Variants in SZRD1 observed in about 807,000 individuals in gnomAD.
The protein encoded by SZRD1 is SUZ RNA binding domain containing 1, also known as SUZ RNA-binding domain-containing.
SZRD1 carries 7 observed loss-of-function variants against 17.6 expected under a neutral mutation model. The observed-to-expected ratio is 0.40, with a 90% CI of 0.23 to 0.75. SZRD1 has a LOEUF of 0.75. Among genes scored for constraint, SZRD1 ranks in the 30% least tolerant of loss-of-function variants. SZRD1 has a pLI of 0.38. For missense variants in SZRD1, 178 were observed against 201.8 expected (o/e 0.88, Z 0.71); for synonymous variants, 77 against 77.9 (o/e 0.99, Z 0.06).
At position 16,379,792 on chromosome 1, in the gene SZRD1, G is replaced by A. The variant is rs528834696; in HGVS notation, c.52-11583G>A. On this transcript the variant is annotated intron_variant, in intron 1 of 3. Coordinates refer to ENST00000401088, the MANE Select transcript of SZRD1 (RefSeq NM_001114600.3). The stretch of plus-strand genomic sequence containing the variant: ...TTTTTTTTTTTTGAGACGAAGTCTC[G>A]CTCTGTTGCCCAGGCTGGAGTGCAG... Among the ~76,000 whole-genome samples the A allele has an allele frequency of 1.5e-4, 20 of 132,474 alleles. No individual in the cohort carries two copies. In the East Asian group the frequency reaches 3.9e-3, roughly 26 times the overall value. 86.9% of individuals were successfully genotyped at this position (132,474 alleles called of 152,430 possible).
chr1:16,395,117 C>A lies in SZRD1; in HGVS notation c.436C>A (p.Gln146Lys). ...ACAGCCTTTGGGTCCTGATGGGTCTCAAGGCTTCAAACAGCGCAGATAAAT... is the reference window on the plus strand; with the variant it reads ...ACAGCCTTTGGGTCCTGATGGGTCTAAAGGCTTCAAACAGCGCAGATAAAT... ...IRQPLGPDGS[Q>K]GFKQRR Residue 146 changes from glutamine to lysine, a missense_variant, in exon 4 of 4, where the codon CAA (glutamine) becomes AAA (lysine). Transcript: ENST00000401088. 4.3e-6 allele frequency: 7 copies of A among 1,613,126 alleles called. No homozygotes were observed. Among genetic ancestry groups the A allele is most frequent in the Non-Finnish European group, 5.9e-6 (7 of 1,179,048 alleles).
intron 1 of SZRD1, among the ~76,000 whole-genome samples, chr1:16,378,211 G>A (rs527756465): frequency 7.1e-4 from 108 of 152,142 alleles, no homozygotes; most frequent in African/African-American, 2.6e-3. Context: ...AAGTTTTTGA[G>A]GCTTTCTAGC....
intron 1 of SZRD1, among the ~76,000 whole-genome samples, chr1:16,378,188 G>C (rs1039997961): frequency 2.6e-5 from 4 of 151,986 alleles, no homozygotes; most frequent in Non-Finnish European, 5.9e-5. Context: ...ATTGTCTCAA[G>C]ATGGCATCTA....
intron 1 of SZRD1, among the ~76,000 whole-genome samples, chr1:16,372,208 C>G (rs983715555): frequency 3.9e-5 from 6 of 151,988 alleles, no homozygotes; most frequent in African/African-American, 1.5e-4. Flanking sequence ...CGTGGTGGCT[C>G]ACGCCTGTAA....
intron 1 of SZRD1, among the ~76,000 whole-genome samples, chr1:16,370,628 T>TA (rs575831529): frequency 0.012 from 1,832 of 147,200 alleles, 37 homozygotes; most frequent in African/African-American, 0.041. Flanking sequence ...CAGCTTTCAT[T>TA]AAAAAAAAAA....
At chr1:16,368,481 A>C (rs1007353602) in intron 1 of SZRD1, among the ~76,000 whole-genome samples, 1 of 137,654 alleles carries the variant, frequency 7.3e-6, no homozygotes, top group Admixed American at 7.1e-5. Flanking sequence ...ATTTCTCTCA[A>C]CGGTTGTTTA....
rs749379226 is a variant in SZRD1 at position 16,387,747 on chromosome 1, A to G, written c.52-3628A>G. The G allele has an allele frequency of 1.1e-4, 50 of 451,530 alleles. 1 individual carries two copies. The highest frequency in any genetic ancestry group is 7.3e-4 in the South Asian group (47 of 63,974). The allele number at this position is 451,530 out of a possible 1,614,324, so 28.0% of individuals were successfully genotyped here. ...TATTTAGAGTGGAGCGAAATGATAC[A>G]GTATGAAACTTTAAAACAAGAAGTT... On this transcript the variant is annotated intron_variant, in intron 1 of 3. Transcript: ENST00000401088.
Position 16,384,672 on chromosome 1 carries a change from G to A in SZRD1, c.52-6703G>A, listed in dbSNP as rs565046896. On this transcript the variant is annotated intron_variant, in intron 1 of 3. Transcript: ENST00000401088. Reference sequence around the variant, plus strand: ...TGAAGACATAAGGCTAGCATGGGCCGTGGCTGGCTGTGTGGGAGTTCAGGG... The same window carrying A: ...TGAAGACATAAGGCTAGCATGGGCCATGGCTGGCTGTGTGGGAGTTCAGGG... Among the ~76,000 whole-genome samples, 5 of 152,352 alleles carry A rather than the reference G, an allele frequency of 3.3e-5. No individual in the cohort carries two copies. The South Asian group carries it at 8.3e-4, about 25-fold the overall frequency.
intron 1 of SZRD1, among the ~76,000 whole-genome samples, chr1:16,388,507 A>G (rs1345664397): frequency 6.6e-6 from 1 of 152,132 alleles, no homozygotes; most frequent in African/African-American, 2.4e-5. Flanking sequence ...TCTAGTTCAT[A>G]CTGTTTACAA....
At chr1:16,383,798 T>G (rs2083145956) in intron 1 of SZRD1, among the ~76,000 whole-genome samples, 1 of 151,994 alleles carries the variant, frequency 6.6e-6, no homozygotes, top group Non-Finnish European at 1.5e-5. Context: ...TTTTGTATTT[T>G]TAGTAGAGAT....
intron 1 of SZRD1, among the ~76,000 whole-genome samples, chr1:16,381,536 G>A (rs2083102963): frequency 1.4e-5 from 2 of 144,734 alleles, no homozygotes; most frequent in South Asian, 2.2e-4. Flanking sequence ...CAGCCTGGGC[G>A]ACAGCGAGAC....
At chr1:16,388,479 C>G (rs79956551) in intron 1 of SZRD1, among the ~76,000 whole-genome samples, 4,086 of 152,056 alleles carry the variant, frequency 0.027, 181 homozygotes, top group African/African-American at 0.091. Flanking sequence ...AGATTTAAAT[C>G]TAGTTTCATA....
intron 1 of SZRD1, among the ~76,000 whole-genome samples, chr1:16,381,592 A>G (rs988780546): frequency 6.6e-6 from 1 of 150,606 alleles, no homozygotes; most frequent in Non-Finnish European, 1.5e-5. Context: ...GGTCTCTTAA[A>G]GATAGGTAGA....
chr1:16,390,317 C>T (rs2085201844), intron 1 of SZRD1, among the ~76,000 whole-genome samples: 1 of 152,176 alleles, frequency 6.6e-6, no homozygotes, highest in African/African-American at 2.4e-5. Flanking sequence ...CATAGGCATG[C>T]TGGTGCTGAT....
intron 3 of SZRD1, among the ~76,000 whole-genome samples, chr1:16,394,138 G>T (rs936283203): frequency 4.6e-5 from 7 of 152,150 alleles, no homozygotes; most frequent in African/African-American, 1.7e-4. Context: ...ACTTTGAGGG[G>T]CTGCTATGGT....
intron 1 of SZRD1, chr1:16,369,331 T>G (rs1455593783): frequency 1.3e-6 from 1 of 745,020 alleles, no homozygotes; most frequent in Non-Finnish European, 2.4e-6. Flanking sequence ...GATCTTGCTC[T>G]TACTCCTTTC....
At position 16,393,405 on chromosome 1, in the gene SZRD1, C is replaced by T. The variant is rs140065746; in HGVS notation, c.279C>T (p.Ala93=). Residue 93 remains alanine, a synonymous_variant, in exon 3 of 4, where the codon GCC becomes GCT. Coordinates refer to ENST00000401088, the MANE Select transcript of SZRD1 (RefSeq NM_001114600.3). The surrounding 1 kb of genome is among the most constrained non-coding windows in gnomAD (Gnocchi z 5.6). ...LPVKSLAQRE[A]EYAEARKRIL... is the part of the protein sequence containing the mutation. ...TCAAGTCCCTAGCACAGCGAGAGGC[C>T]GAGTACGCCGAGGCCCGGAAGCGGA... The T allele has an allele frequency of 9.6e-4, 1,556 of 1,614,140 alleles. 14 individuals are homozygous for T. In the African/African-American group the frequency reaches 0.019, roughly 19 times the overall value.
intron 1 of SZRD1, chr1:16,369,507 C>G: frequency 1.1e-6 from 1 of 887,326 alleles, no homozygotes; most frequent in Non-Finnish European, 1.8e-6. Flanking sequence ...CCCCCTTCAC[C>G]ACAGGCTTTT....
At chr1:16,394,581 A>G (rs1475898590) in intron 3 of SZRD1, among the ~76,000 whole-genome samples, 1 of 152,190 alleles carries the variant, frequency 6.6e-6, no homozygotes, top group Non-Finnish European at 1.5e-5. Context: ...GGGCCTCTCA[A>G]CTTGGAGGTG....
Sources: allele counts gnomAD v4.1 joint callset (sites outside exome capture counted in the v4.1 genomes callset), GRCh38; gene constraint gnomAD v4.1.1; non-coding constraint Gnocchi (gnomAD v3.1); transcripts MANE v1.5; gene names NCBI Gene and HGNC (gene_info 2026-07-23, HGNC 2026-07-21).